TOM1L1: variants seen among roughly 807,000 people sequenced by gnomAD.
TOM1L1 encodes TOM1-like protein 1.
A neutral mutation model predicts 63.4 loss-of-function variants in TOM1L1; 64 were observed. The observed-to-expected ratio is 1.01, with a 90% confidence interval of 0.83 to 1.24. The LOEUF (loss-of-function observed/expected upper bound fraction) is 1.24, where lower values mean the gene tolerates loss of function less well. TOM1L1 is among the 50% of genes most tolerant of loss of function. The pLI, the probability that TOM1L1 is intolerant of heterozygous loss-of-function variation, is 0.00. For missense variants in TOM1L1, 536 were observed against 567.0 expected (o/e 0.95, Z 0.55); for synonymous variants, 166 against 194.4 (o/e 0.85, Z 1.22).
chr17:54,914,491 G>A (rs2048553725), intron 5 of TOM1L1, 148 bp from the exon 6 acceptor site: 2 of 614,056 alleles, frequency 3.3e-6, no homozygotes, highest in African/African-American at 1.8e-5. Flanking sequence ...ACAAAATGCT[G>A]GACGGGTTGT....
chr17:54,953,886 C>T (rs2049358796), intron 14 of TOM1L1: 2 of 152,142 alleles, frequency 1.3e-5, no homozygotes, highest in African/African-American at 4.8e-5. Context: ...GCTTTTGGGT[C>T]ATCTGGGTCC....
intron 1 of TOM1L1, among the ~76,000 whole-genome samples, chr17:54,902,165 A>G (rs1311655709): frequency 6.6e-6 from 1 of 152,214 alleles, no homozygotes; most frequent in Non-Finnish European, 1.5e-5. Context: ...AATGCAAAAC[A>G]CACAAAACTT....
chr17:54,947,552 T>G (rs2049140906), intron 12 of TOM1L1, among the ~76,000 whole-genome samples: 1 of 152,218 alleles, frequency 6.6e-6, no homozygotes, highest in Admixed American at 6.5e-5. Flanking sequence ...ACATAACTCT[T>G]GTCAAGGTCA....
chr17:54,919,209 C>T (rs961355245), intron 7 of TOM1L1, among the ~76,000 whole-genome samples: 1 of 152,108 alleles, frequency 6.6e-6, no homozygotes, highest in East Asian at 1.9e-4. Flanking sequence ...CAGATATAAA[C>T]TTTTTAACTT....
chr17:54,921,537 C>T (rs1206817407), intron 7 of TOM1L1, among the ~76,000 whole-genome samples: 2 of 151,842 alleles, frequency 1.3e-5, no homozygotes, highest in Admixed American at 6.6e-5. Flanking sequence ...GTCAGGAGCT[C>T]GAGACCAGCC....
intron 14 of TOM1L1, among the ~76,000 whole-genome samples, chr17:54,959,826 A>G (rs191598173): frequency 5.9e-4 from 90 of 152,160 alleles, no homozygotes; most frequent in Admixed American, 1.4e-3. Flanking sequence ...CATGTTGTTC[A>G]TACTGGTCTT....
At chr17:54,939,877 G>C (rs1219767373) in intron 11 of TOM1L1, among the ~76,000 whole-genome samples, 1 of 152,086 alleles carries the variant, frequency 6.6e-6, no homozygotes, top group Non-Finnish European at 1.5e-5. Context: ...CAGGAAAAGA[G>C]ACTGAGATTT....
intron 8 of TOM1L1, among the ~76,000 whole-genome samples, chr17:54,936,064 G>A (rs1004181948): frequency 3.2e-4 from 49 of 151,798 alleles, no homozygotes; most frequent in Non-Finnish European, 5.9e-5. Flanking sequence ...CAGAGGTTGT[G>A]GTGAGCCAAG....
chr17:54,908,076 G>A (rs1418762691), intron 3 of TOM1L1, among the ~76,000 whole-genome samples: 3 of 151,994 alleles, frequency 2.0e-5, no homozygotes, highest in Non-Finnish European at 2.9e-5. Flanking sequence ...TAATCTGCTC[G>A]CTGCCTTTCC....
intron 3 of TOM1L1, among the ~76,000 whole-genome samples, chr17:54,907,924 C>G (rs911720838): frequency 5.9e-5 from 9 of 152,210 alleles, no homozygotes; most frequent in Non-Finnish European, 1.0e-4. Flanking sequence ...AATCCCACCT[C>G]CATATCTTCT....
At chr17:54,914,097 A>G (rs541565748) in intron 5 of TOM1L1, among the ~76,000 whole-genome samples, 1 of 152,200 alleles carries the variant, frequency 6.6e-6, no homozygotes, top group Non-Finnish European at 1.5e-5. Context: ...TCCACCCTAG[A>G]CTAATCAGAA....
chr17:54,936,606 A>G (rs1419994210), intron 8 of TOM1L1, 43 bp from the exon 9 acceptor site: 1 of 1,509,532 alleles, frequency 6.6e-7, no homozygotes, highest in South Asian at 1.2e-5. Flanking sequence ...TAGCATTTTC[A>G]TATATTTTTT....
At chr17:54,928,978 G>A (rs7208123) in intron 7 of TOM1L1, among the ~76,000 whole-genome samples, 34,842 of 152,072 alleles carry the variant, frequency 0.23, 4,570 homozygotes, top group Non-Finnish European at 0.29. Context: ...TTGAGATTCT[G>A]AATGGTTTCA....
intron 10 of TOM1L1, chr17:54,937,493 G>T (rs1301503448): frequency 2.3e-5 from 10 of 431,390 alleles, no homozygotes; most frequent in Non-Finnish European, 8.5e-6. Context: ...TGTAGAAGTT[G>T]TTCAGCCCAA....
intron 12 of TOM1L1, among the ~76,000 whole-genome samples, chr17:54,948,698 TCTG>T (rs2049160394): frequency 6.6e-6 from 1 of 152,230 alleles, no homozygotes; most frequent in African/African-American, 2.4e-5. Flanking sequence ...AGGAACTTGG[TCTG>T]CTTTGTTTAT....
chr17:54,932,711 G>A (rs1249211572), intron 8 of TOM1L1, among the ~76,000 whole-genome samples: 6 of 152,048 alleles, frequency 3.9e-5, no homozygotes, highest in Non-Finnish European at 7.4e-5. Flanking sequence ...GTGAGCCACC[G>A]CGCCTGGCCA....
chr17:54,955,682 T>A (rs1390381042), intron 14 of TOM1L1, among the ~76,000 whole-genome samples: 1 of 151,998 alleles, frequency 6.6e-6, no homozygotes, highest in Non-Finnish European at 1.5e-5. Flanking sequence ...GATGGCGATG[T>A]CTCTCAGTCT....
chr17:54,922,791 G>A (rs2048705805), intron 7 of TOM1L1, among the ~76,000 whole-genome samples: 1 of 152,132 alleles, frequency 6.6e-6, no homozygotes, highest in Non-Finnish European at 1.5e-5. Flanking sequence ...ACCTCTCAGT[G>A]GAGCCATGCA....
At chr17:54,926,783 T>A (rs6504947) in intron 7 of TOM1L1, among the ~76,000 whole-genome samples, 96,626 of 152,162 alleles carry the variant, frequency 0.64, 31,774 homozygotes, top group African/African-American at 0.81. Flanking sequence ...TTCTTTGCAG[T>A]TGAGGCTGCA....
Sources: gnomAD v4.1 joint callset for allele counts (sites outside exome capture counted in the v4.1 genomes callset) on GRCh38, gnomAD v4.1.1 for gene constraint, MANE v1.5 for transcripts, NCBI Gene and HGNC (gene_info 2026-07-23, HGNC 2026-07-21) for gene names.